Variants in PRRC2C observed in about 807,000 individuals in gnomAD.
PRRC2C encodes the protein proline rich coiled-coil 2C.
In PRRC2C, 72 loss-of-function variants were observed where a neutral mutation model predicts 317.2. That is an observed-to-expected ratio of 0.23 (90% CI 0.19 to 0.28). The LOEUF (loss-of-function observed/expected upper bound fraction) is 0.28. PRRC2C is among the 10% of genes least tolerant of loss of function. The probability of loss-of-function intolerance (pLI) is 1.00; values close to 1 mark genes in which losing one functional copy is unlikely to be tolerated. For synonymous variants in PRRC2C, 1,296 were observed against 1,205.9 expected, an observed-to-expected ratio of 1.07 and a Z score of -1.55; for missense variants, 3,074 against 3,459.7, an observed-to-expected ratio of 0.89 and a Z score of 2.80.
chr1:171,513,958 TTAAC>T (rs1366856187), intron 3 of PRRC2C, among the ~76,000 whole-genome samples: 1 of 152,246 alleles, frequency 6.6e-6, no homozygotes, highest in Non-Finnish European at 1.5e-5. Context: ...TGTGAGCCTC[TTAAC>T]TACTTTCTTA....
intron 1 of PRRC2C, among the ~76,000 whole-genome samples, chr1:171,498,227 T>G (rs1668470181): frequency 6.6e-6 from 1 of 152,170 alleles, no homozygotes; most frequent in Non-Finnish European, 1.5e-5. Context: ...CCTCTCTTAG[T>G]CCATTCATGC....
Position 171,557,639 on chromosome 1 carries a change from A to G in PRRC2C, c.5527A>G (p.Thr1843Ala). Reference sequence around the variant, plus strand: ...AGCTCCAGCCTCAGCCCCAGCTCCAACCCCCATCCTTGCCTCAGTTTCAAC... The same window carrying G: ...AGCTCCAGCCTCAGCCCCAGCTCCAGCCCCCATCCTTGCCTCAGTTTCAAC... ...SSAPASAPAPTPILASVSTPA... is the reference protein window; with the variant it reads ...SSAPASAPAPAPILASVSTPA... The change falls in exon 19 of 35, where the codon ACC becomes GCC. Residue 1843 changes from threonine to alanine, a missense_variant. Physicochemically the swap from Thr to Ala is moderately conservative, Grantham distance 58. Coordinates refer to ENST00000647382, the MANE Select transcript of PRRC2C (RefSeq NM_001387844.1). 1 of 1,550,818 alleles carries G rather than the reference A, an allele frequency of 6.4e-7. No homozygotes were observed. The highest frequency in any genetic ancestry group is 8.7e-7 in the Non-Finnish European group (1 of 1,146,750).
chr1:171,486,124 T>TC (rs1159976604), intron 1 of PRRC2C, among the ~76,000 whole-genome samples: 3 of 150,318 alleles, frequency 2.0e-5, no homozygotes, highest in Admixed American at 2.0e-4. Context: ...TTTTTTTTTT[T>TC]TTTTTAGTGT....
intron 25 of PRRC2C, among the ~76,000 whole-genome samples, chr1:171,576,162 A>G (rs1422518622): frequency 6.6e-6 from 1 of 152,248 alleles, no homozygotes; most frequent in East Asian, 1.9e-4. Context: ...ATCTTCACTT[A>G]TGTTTACTAG....
At position 171,592,083 on chromosome 1, in the gene PRRC2C, C is replaced by A; in HGVS notation, c.*236C>A. ...AACATGTGCTTGGTTGATGGCCATG[C>A]ATCTTCAGTCAGAATTTATATATAA... On this transcript the variant is annotated 3_prime_UTR_variant, in exon 35 of 35. Coordinates refer to ENST00000647382, the MANE Select transcript of PRRC2C (RefSeq NM_001387844.1). 4.6e-6 allele frequency: 2 copies of A among 434,318 alleles called. No homozygotes were observed. The highest frequency in any genetic ancestry group is 8.0e-6 in the Non-Finnish European group (2 of 248,514). The allele number at this position is 434,318 out of a possible 1,614,324, so 26.9% of individuals were successfully genotyped here. A position where few individuals can be genotyped will look rare whatever the true frequency, so the allele number is the denominator to read the frequency against.
chr1:171,580,362 TATAAC>T (rs1358153096), intron 28 of PRRC2C, among the ~76,000 whole-genome samples: 1 of 152,144 alleles, frequency 6.6e-6, no homozygotes, highest in Non-Finnish European at 1.5e-5. Context: ...CAGGGTGGAA[TATAAC>T]AGAACAGAGA....
rs777028663 is a variant in PRRC2C, at chr1:171,532,332, T to TA, written c.1255-9dup. The TA allele has an allele frequency of 6.2e-7, 1 of 1,603,416 alleles. No individual in the cohort carries two copies. On this transcript the variant is annotated splice_polypyrimidine_tract_variant and intron_variant, in intron 11 of 34. Coordinates refer to ENST00000647382, the MANE Select transcript of PRRC2C (RefSeq NM_001387844.1). ...AGTTGTCATAACTCATCTGATACCT[T>TA]AATGTTTCAGCATCCACCTCCAGAT... is the stretch of plus-strand genomic sequence containing the variant.
intron 17 of PRRC2C, among the ~76,000 whole-genome samples, chr1:171,547,555 A>G (rs1679343734): frequency 6.6e-6 from 1 of 152,160 alleles, no homozygotes; most frequent in Non-Finnish European, 1.5e-5. Flanking sequence ...GATTTTTAAA[A>G]GGATTTTAAA....
intron 33 of PRRC2C, 105 bp from the exon 34 acceptor site, chr1:171,589,264 G>A: frequency 2.0e-6 from 1 of 493,502 alleles, no homozygotes. Context: ...TGGTAGGATG[G>A]GCACAGATTT....
intron 1 of PRRC2C, among the ~76,000 whole-genome samples, chr1:171,487,092 C>G (rs143586690): frequency 8.5e-4 from 130 of 152,274 alleles, no homozygotes; most frequent in African/African-American, 3.0e-3. Context: ...TGTGTTTGCT[C>G]TGCTTAGCTT....
At chr1:171,584,307 C>T in intron 29 of PRRC2C, 112 bp from the exon 30 acceptor site, 1 of 1,350,198 alleles carries the variant, frequency 7.4e-7, no homozygotes, top group Non-Finnish European at 1.0e-6. Context: ...AAAGTCCTTT[C>T]ATTTATCTAA....
chr1:171,561,253 G>C (rs1042682663), intron 20 of PRRC2C, 150 bp downstream of exon 20: 3 of 752,830 alleles, frequency 4.0e-6, no homozygotes, highest in Non-Finnish European at 7.0e-6. Context: ...AACATAGTGA[G>C]ACCCGCCTGG....
At chr1:171,588,718 T>C (rs985338727) in intron 33 of PRRC2C, among the ~76,000 whole-genome samples, 3 of 152,156 alleles carry the variant, frequency 2.0e-5, no homozygotes, top group Admixed American at 2.0e-4. Context: ...ACAAGAGAAA[T>C]AGTTAAAAGA....
In PRRC2C at chr1:171,575,347, C is replaced by T. The variant is rs191285024; in HGVS notation, c.6955+219C>T. Among the ~76,000 whole-genome samples the T allele has an allele frequency of 6.0e-3, 908 of 152,196 alleles. 4 individuals carry two copies. Among genetic ancestry groups the T allele is most frequent in the Non-Finnish European group, 9.8e-3 (669 of 68,008 alleles). On this transcript the variant is annotated intron_variant, in intron 25 of 34. Coordinates refer to ENST00000647382, the MANE Select transcript of PRRC2C (RefSeq NM_001387844.1). The stretch of plus-strand genomic sequence containing the variant: ...CCTCTAAATTTTTCTAGGAAGTTCA[C>T]CTTTTGATTGTCATTTTTTATGTAT...
chr1:171,540,938 A>C lies in PRRC2C; in HGVS notation c.3472A>C (p.Arg1158=). ...TATAGAGAGGCCTCGACCAGATTCA[A>C]GACCAGCAGTTAAAAAAGAATCAAC... ...LVIERPRPDS[R]PAVKKESTLP... The change falls in exon 16 of 35, where the codon AGA becomes CGA. Residue 1158 remains arginine (R), a synonymous_variant. Transcript: ENST00000647382. The C allele has an allele frequency of 1.2e-6, 2 of 1,613,976 alleles. No individual in the cohort carries two copies. The highest frequency in any genetic ancestry group is 1.7e-6 in the Non-Finnish European group (2 of 1,179,874).
intron 10 of PRRC2C, among the ~76,000 whole-genome samples, chr1:171,526,022 C>G (rs1674503505): frequency 6.6e-6 from 1 of 152,010 alleles, no homozygotes; most frequent in South Asian, 2.1e-4. Flanking sequence ...ATTTTAATAA[C>G]TTTTTTGTGT....
chr1:171,514,405 C>T, intron 3 of PRRC2C, 131 bp from the exon 4 acceptor site: 3 of 678,364 alleles, frequency 4.4e-6, no homozygotes, highest in Non-Finnish European at 7.4e-6. Context: ...AGAGAGAAAA[C>T]ATTTATTGGA....
intron 1 of PRRC2C, among the ~76,000 whole-genome samples, chr1:171,501,160 G>T (rs753839096): frequency 1.1e-4 from 17 of 151,882 alleles, no homozygotes; most frequent in Admixed American, 2.0e-4. Context: ...GCCTCCCAAG[G>T]TGCTGGGGTT....
chr1:171,533,079 A>G (rs1288952743), intron 12 of PRRC2C, 118 bp downstream of exon 12: 2 of 1,060,734 alleles, frequency 1.9e-6, no homozygotes, highest in Non-Finnish European at 2.6e-6. Context: ...TTGTTTTATG[A>G]TAGCATTTGC....
Sources: gnomAD v4.1 joint callset for allele counts (sites outside exome capture counted in the v4.1 genomes callset) on GRCh38, gnomAD v4.1.1 for gene constraint, MANE v1.5 for transcripts, NCBI Gene and HGNC (gene_info 2026-07-23, HGNC 2026-07-21) for gene names.